Variants in LRRC37A2 observed in about 807,000 individuals in gnomAD.
The protein encoded by LRRC37A2 is leucine rich repeat containing 37 member A2, also known as leucine-rich repeat-containing protein 37A2.
Under a neutral mutation model 68.8 loss-of-function variants are expected in LRRC37A2, and 9 were observed. The observed-to-expected ratio is 0.13, with a 90% CI of 0.08 to 0.23. The LOEUF is 0.23. Among genes scored for constraint, LRRC37A2 ranks in the 10% least tolerant of loss-of-function variants. LRRC37A2 has a pLI of 1.00. For missense variants in LRRC37A2, 168 were observed against 950.4 expected (o/e 0.18, Z 10.82); for synonymous variants, 63 against 367.6 (o/e 0.17, Z 9.48).
the LRRC37A2 span, among the ~76,000 whole-genome samples, chr17:46,828,297 A>C: frequency 7.3e-5 from 11 of 150,390 alleles, no homozygotes; most frequent in South Asian, 2.3e-3. Flanking sequence ...CCCAGGATCT[A>C]ATGATCCTCT....
the LRRC37A2 span, among the ~76,000 whole-genome samples, chr17:46,996,323 G>C: frequency 6.6e-6 from 1 of 152,222 alleles, no homozygotes; most frequent in Admixed American, 6.5e-5. Flanking sequence ...GGTGGGCCTA[G>C]TGCAAGCACT....
At chr17:46,751,718 T>C in the LRRC37A2 span, 1,673 of 625,930 alleles carry the variant, frequency 2.7e-3, 28 homozygotes, top group African/African-American at 0.027. Context: ...TAATTTAAGT[T>C]TTGATTTTCT....
chr17:46,745,265 T>G, the LRRC37A2 span, among the ~76,000 whole-genome samples: 1 of 152,232 alleles, frequency 6.6e-6, no homozygotes, highest in Admixed American at 6.5e-5. Context: ...TAAAGCTTCC[T>G]TATGAGCACT....
the LRRC37A2 span, among the ~76,000 whole-genome samples, chr17:46,601,405 CT>C: frequency 3.0e-3 from 126 of 41,622 alleles, no homozygotes; most frequent in African/African-American, 7.0e-3. Flanking sequence ...TATAATTACC[CT>C]TTTTTTTTTT....
the LRRC37A2 span, among the ~76,000 whole-genome samples, chr17:46,918,638 CAT>C: frequency 7.9e-5 from 11 of 138,500 alleles, no homozygotes; most frequent in African/African-American, 2.7e-4. Context: ...CACACACACA[CAT>C]ACAATTTCCC....
chr17:46,705,105 ATTTTGAGAC>A, the LRRC37A2 span, among the ~76,000 whole-genome samples: 2 of 147,328 alleles, frequency 1.4e-5, no homozygotes, highest in African/African-American at 5.1e-5. Flanking sequence ...AGGCCATTCA[ATTTTGAGAC>A]TTTCCAGTTA....
At chr17:47,014,304 C>T in the LRRC37A2 span, among the ~76,000 whole-genome samples, 756 of 150,430 alleles carry the variant, frequency 5.0e-3, 9 homozygotes, top group African/African-American at 0.018. Flanking sequence ...GCATGAAAAT[C>T]GCTTGAACCC....
At chr17:46,726,716 A>C in the LRRC37A2 span, 9 of 1,003,808 alleles carry the variant, frequency 9.0e-6, no homozygotes, top group Non-Finnish European at 1.4e-5. Context: ...ACTGTAAAGC[A>C]ATAGAAATAC....
At chr17:46,535,190 C>T (rs1439725197) in intron 6 of LRRC37A2, among the ~76,000 whole-genome samples, 9 of 149,438 alleles carry the variant, frequency 6.0e-5, no homozygotes, top group South Asian at 2.1e-4. Flanking sequence ...CAACCATGTC[C>T]AGCACCTGCA....
At chr17:46,960,934 G>T in the LRRC37A2 span, among the ~76,000 whole-genome samples, 4 of 152,126 alleles carry the variant, frequency 2.6e-5, no homozygotes, top group Non-Finnish European at 4.4e-5. Flanking sequence ...CTAAGTATTT[G>T]TCAAAATATA....
the LRRC37A2 span, among the ~76,000 whole-genome samples, chr17:46,803,727 G>A: frequency 6.6e-6 from 1 of 152,128 alleles, no homozygotes; most frequent in Non-Finnish European, 1.5e-5. Flanking sequence ...TCAAGCTCCA[G>A]CCACAGCCCT....
chr17:46,485,991 A>C, the LRRC37A2 span, among the ~76,000 whole-genome samples: 7,760 of 77,874 alleles, frequency 0.1, 1,438 homozygotes, highest in East Asian at 0.51. Flanking sequence ...AAAAAAAAAA[A>C]AAAAAACAGA....
At chr17:46,889,586 G>A in the LRRC37A2 span, among the ~76,000 whole-genome samples, 1 of 152,122 alleles carries the variant, frequency 6.6e-6, no homozygotes, top group Non-Finnish European at 1.5e-5. Flanking sequence ...TGTGTTCTTG[G>A]TCCCCTGTCA....
chr17:46,967,703 G>A, the LRRC37A2 span, among the ~76,000 whole-genome samples: 7 of 152,104 alleles, frequency 4.6e-5, no homozygotes, highest in Admixed American at 4.6e-4. Context: ...TTGAAAACTG[G>A]CTCAAGCATT....
At chr17:46,886,431 C>T in the LRRC37A2 span, 23 of 152,230 alleles carry the variant, frequency 1.5e-4, no homozygotes, top group African/African-American at 5.1e-4. Flanking sequence ...ACAGACCAAA[C>T]AAATATGGAG....
the LRRC37A2 span, among the ~76,000 whole-genome samples, chr17:46,976,490 C>T: frequency 6.6e-6 from 1 of 151,834 alleles, no homozygotes; most frequent in Admixed American, 6.6e-5. Flanking sequence ...GGGGTTTCAG[C>T]GAGCCAAGAT....
the LRRC37A2 span, among the ~76,000 whole-genome samples, chr17:46,605,818 T>C: frequency 1.7e-5 from 1 of 58,186 alleles, no homozygotes; most frequent in South Asian, 8.1e-4. Context: ...GAAATAAATA[T>C]TGGCTTTATA....
At chr17:46,855,103 C>T in the LRRC37A2 span, among the ~76,000 whole-genome samples, 9 of 152,120 alleles carry the variant, frequency 5.9e-5, no homozygotes, top group African/African-American at 9.7e-5. Flanking sequence ...CACAGTGAAT[C>T]GGTGGGGGAG....
At chr17:46,743,029 G>A in the LRRC37A2 span, among the ~76,000 whole-genome samples, 1 of 152,080 alleles carries the variant, frequency 6.6e-6, no homozygotes, top group Non-Finnish European at 1.5e-5. Context: ...TCTCCCTGAG[G>A]CCCCACGCTG....
Sources: gnomAD v4.1 joint callset for allele counts (sites outside exome capture counted in the v4.1 genomes callset) on GRCh38, gnomAD v4.1.1 for gene constraint, MANE v1.5 for transcripts, NCBI Gene and HGNC (gene_info 2026-07-23, HGNC 2026-07-21) for gene names.